CECR2: variants seen among roughly 807,000 people sequenced by gnomAD.
CECR2 encodes the protein chromatin remodeling regulator CECR2.
A neutral mutation model predicts 154.5 loss-of-function variants in CECR2; 30 were observed. The observed-to-expected ratio is 0.19, with a 90% confidence interval of 0.15 to 0.26. The LOEUF (loss-of-function observed/expected upper bound fraction) is 0.26. CECR2 is among the 10% of genes least tolerant of loss of function. The pLI is 1.00. For missense variants in CECR2, 1,743 were observed against 1,829.3 expected (o/e 0.95, Z 0.86); for synonymous variants, 725 against 683.7 (o/e 1.06, Z -0.94).
intron 9 of CECR2, among the ~76,000 whole-genome samples, chr22:17,526,354 C>G (rs915758446): frequency 2.0e-5 from 3 of 152,114 alleles, no homozygotes; most frequent in Admixed American, 2.0e-4. Flanking sequence ...AGTCCACACA[C>G]GTACAGCGAA....
intron 1 of CECR2, among the ~76,000 whole-genome samples, chr22:17,446,255 A>G (rs1186296950): frequency 6.6e-6 from 1 of 152,232 alleles, no homozygotes; most frequent in East Asian, 1.9e-4. Context: ...ACATGCCTAT[A>G]GTCCCAGCTG....
At chr22:17,481,177 A>T (rs1342018728) in intron 2 of CECR2, among the ~76,000 whole-genome samples, 1 of 149,162 alleles carries the variant, frequency 6.7e-6, no homozygotes, top group Non-Finnish European at 1.5e-5. Context: ...CCCCGTCTCT[A>T]CTAAAAATAC....
chr22:17,414,267 C>T (rs566105764), intron 1 of CECR2, among the ~76,000 whole-genome samples: 16 of 152,290 alleles, frequency 1.1e-4, no homozygotes, highest in African/African-American at 2.4e-4. Context: ...CCACTGCGCC[C>T]GGCGGAAGGA....
intron 9 of CECR2, among the ~76,000 whole-genome samples, chr22:17,532,883 A>G (rs994039667): frequency 6.6e-6 from 1 of 150,382 alleles, no homozygotes; most frequent in Non-Finnish European, 1.5e-5. Context: ...ACGCCTGGCA[A>G]TTTTTTTTGT....
At position 17,403,410 on chromosome 22, in the gene CECR2, CT is replaced by C. The variant is rs1362662125; in HGVS notation, c.126+33508del. On this transcript the variant is annotated intron_variant, in intron 1 of 18. Transcript: ENST00000262608. ...GTATTTGCTTGTAAGTGTGTGCTTT[CT>C]TTTTTTCTTGGACAAATACTTAGTA... Among the ~76,000 whole-genome samples the C allele has an allele frequency of 2.0e-5, 3 of 152,074 alleles. No individual in the cohort carries two copies. In the East Asian group the frequency reaches 5.8e-4, roughly 29 times the overall value.
chr22:17,417,596 A>C (rs1434425557), intron 1 of CECR2, among the ~76,000 whole-genome samples: 1 of 152,056 alleles, frequency 6.6e-6, no homozygotes, highest in African/African-American at 2.4e-5. Flanking sequence ...AGCATTCCAC[A>C]ACACCCAGTC....
intron 2 of CECR2, among the ~76,000 whole-genome samples, chr22:17,487,931 TGAGTG>T (rs2055452943): frequency 6.6e-6 from 1 of 152,124 alleles, no homozygotes; most frequent in Non-Finnish European, 1.5e-5. Flanking sequence ...CCCCCAGGTT[TGAGTG>T]CAATGGCCTG....
In CECR2 at chr22:17,548,481, G is replaced by A; in HGVS notation, c.3194G>A (p.Gly1065Glu). ...GTCATTGGGGAAGCATCTCCTTGTGGATCGGAGGGGAAGGGCCTTGGTAGC... is the reference window on the plus strand; with the variant it reads ...GTCATTGGGGAAGCATCTCCTTGTGAATCGGAGGGGAAGGGCCTTGGTAGC... Reference protein sequence around the residue: ...NGVIGEASPCGSEGKGLGSSG... With the variant: ...NGVIGEASPCESEGKGLGSSG... Residue 1065 changes from glycine (G) to glutamate (E), a missense_variant, in exon 17 of 19, where the codon GGA becomes GAA. Physicochemically the swap from Gly to Glu is moderately conservative, Grantham distance 98. This residue lies in a region of CECR2 where 1,250 missense variants were observed against 1,192.1 expected (regional missense o/e 1.05). Transcript: ENST00000262608. 1 of 1,613,942 alleles carries A rather than the reference G, an allele frequency of 6.2e-7. No individual in the cohort carries two copies. Among genetic ancestry groups the A allele is most frequent in the Non-Finnish European group, 8.5e-7 (1 of 1,179,882 alleles).
chr22:17,523,755 CAAAAAAA>C (rs66963477), intron 8 of CECR2, among the ~76,000 whole-genome samples: 2 of 101,164 alleles, frequency 2.0e-5, no homozygotes, highest in East Asian at 3.2e-4. Context: ...GACTCTATCT[CAAAAAAA>C]AAAAAAAAAA....
intron 1 of CECR2, among the ~76,000 whole-genome samples, chr22:17,391,401 G>A (rs2063324328): frequency 6.6e-6 from 1 of 152,232 alleles, no homozygotes; most frequent in African/African-American, 2.4e-5. Context: ...AGGGCTACTA[G>A]TGAAGTAATT....
intron 1 of CECR2, among the ~76,000 whole-genome samples, chr22:17,448,892 T>A (rs1238346489): frequency 6.6e-6 from 1 of 152,120 alleles, no homozygotes; most frequent in Non-Finnish European, 1.5e-5. Flanking sequence ...TTATTTATTT[T>A]TTTTGGAGAT....
intron 1 of CECR2, among the ~76,000 whole-genome samples, chr22:17,462,200 C>T (rs1045522071): frequency 3.3e-5 from 5 of 151,254 alleles, no homozygotes; most frequent in Admixed American, 6.6e-5. Context: ...GTCAGGAGAT[C>T]GAGACCATCC....
At chr22:17,368,872 C>A (rs935387342), upstream of CECR2, among the ~76,000 whole-genome samples, 3 of 152,134 alleles carry the variant, frequency 2.0e-5, no homozygotes, top group Non-Finnish European at 4.4e-5. Context: ...CATCCTACTT[C>A]GTTCCAGCTC....
chr22:17,371,205 A>G (rs965364101), intron 1 of CECR2, among the ~76,000 whole-genome samples: 1 of 152,158 alleles, frequency 6.6e-6, no homozygotes, highest in African/African-American at 2.4e-5. Flanking sequence ...CGTCGCAGTT[A>G]ATGAAATCAG....
Position 17,540,785 on chromosome 22 carries a change from CT to C in CECR2, c.1874del (p.Leu625Ter). 3 of 1,575,024 alleles carry C rather than the reference CT, an allele frequency of 1.9e-6. No homozygotes were observed. The highest frequency in any genetic ancestry group is 3.7e-5 in the Admixed American group (2 of 54,234). On this transcript the variant is annotated frameshift_variant, in exon 14 of 19. Coordinates refer to ENST00000262608, the MANE Select transcript of CECR2 (RefSeq NM_001290047.2). LOFTEE classifies it high-confidence loss of function. ...HCGGTPSQAP[F>X]LNQMRPAVPG... is the part of the protein sequence containing the mutation. The stretch of plus-strand genomic sequence containing the variant: ...GTGGTGGGACACCCAGCCAGGCACC[CT>C]TTTTAAACCAGATGGTAAGGAATAG...
At chr22:17,479,765 C>CT (rs571664926) in intron 2 of CECR2, among the ~76,000 whole-genome samples, 11,208 of 117,036 alleles carry the variant, frequency 0.096, 616 homozygotes, top group East Asian at 0.21. Context: ...TGTGGTCTTT[C>CT]TTTTTTTTTT....
At chr22:17,452,844 G>A (rs1024814195) in intron 1 of CECR2, among the ~76,000 whole-genome samples, 1 of 152,014 alleles carries the variant, frequency 6.6e-6, no homozygotes, top group South Asian at 2.1e-4. Flanking sequence ...AGGGAGGGAG[G>A]AAGGAGCTAT....
chr22:17,440,039 G>T (rs2054560727), intron 1 of CECR2, among the ~76,000 whole-genome samples: 1 of 150,802 alleles, frequency 6.6e-6, no homozygotes, highest in Non-Finnish European at 1.5e-5. Flanking sequence ...GCATGTGTCT[G>T]CATGTATGTA....
intron 1 of CECR2, among the ~76,000 whole-genome samples, chr22:17,425,374 T>C (rs1236301572): frequency 1.3e-5 from 2 of 152,184 alleles, no homozygotes; most frequent in Non-Finnish European, 2.9e-5. Context: ...ACCTATTTGG[T>C]CCTGGTTTTT....
Sources: gnomAD v4.1 joint callset for allele counts (sites outside exome capture counted in the v4.1 genomes callset) on GRCh38, gnomAD v4.1.1 for gene constraint, gnomAD v4.1.1 regional missense constraint, MANE v1.5 for transcripts, NCBI Gene and HGNC (gene_info 2026-07-23, HGNC 2026-07-21) for gene names.